The following HMGCLL1 variants were observed in gnomAD, a reference collection of about 807,000 sequenced individuals.
The protein encoded by HMGCLL1 is 3-hydroxymethyl-3-methylglutaryl-CoA lyase, cytoplasmic.
A neutral mutation model predicts 39.1 loss-of-function variants in HMGCLL1; 36 were observed. That is an observed-to-expected ratio of 0.92 (90% CI 0.71 to 1.22). HMGCLL1 has a LOEUF of 1.22. HMGCLL1 is among the 50% of genes most tolerant of loss of function. The pLI is 0.00. For synonymous variants in HMGCLL1, 149 were observed against 144.0 expected (o/e 1.03, Z -0.25); for missense variants, 451 against 416.5 (o/e 1.08, Z -0.72).
chr6:55,466,424 G>C (rs1395222928), intron 7 of HMGCLL1, among the ~76,000 whole-genome samples: 1 of 152,104 alleles, frequency 6.6e-6, no homozygotes, highest in Non-Finnish European at 1.5e-5. Flanking sequence ...TCTGCTTTGA[G>C]AATCTGCAAT....
chr6:55,452,057 T>C (rs556144775), intron 7 of HMGCLL1, among the ~76,000 whole-genome samples: 1 of 152,316 alleles, frequency 6.6e-6, no homozygotes, highest in African/African-American at 2.4e-5. Flanking sequence ...GGCACAATAC[T>C]GTATGTAATA....
At chr6:55,437,158 T>G (rs538678078) in intron 8 of HMGCLL1, among the ~76,000 whole-genome samples, 1 of 151,832 alleles carries the variant, frequency 6.6e-6, no homozygotes, top group East Asian at 1.9e-4. Flanking sequence ...TTCTCTACCA[T>G]TTTATTTAAC....
intron 7 of HMGCLL1, among the ~76,000 whole-genome samples, chr6:55,479,311 C>A (rs1427603650): frequency 2.0e-5 from 3 of 151,552 alleles, no homozygotes; most frequent in Admixed American, 1.3e-4. Flanking sequence ...AACCACAACA[C>A]TTTAGACACA....
intron 1 of HMGCLL1, among the ~76,000 whole-genome samples, chr6:55,568,170 G>T (rs1771304864): frequency 6.6e-6 from 1 of 152,052 alleles, no homozygotes; most frequent in African/African-American, 2.4e-5. Context: ...GTAAAAATTG[G>T]CTTATAAATA....
At chr6:55,477,169 AAT>A (rs1239890750) in intron 7 of HMGCLL1, among the ~76,000 whole-genome samples, 2 of 46,190 alleles carry the variant, frequency 4.3e-5, no homozygotes, top group African/African-American at 1.0e-4. Context: ...ATTATAATAT[AAT>A]ATATATTATA....
intron 1 of HMGCLL1, among the ~76,000 whole-genome samples, chr6:55,546,894 CTA>C (rs1390250029): frequency 6.6e-6 from 1 of 152,012 alleles, no homozygotes; most frequent in African/African-American, 2.4e-5. Flanking sequence ...TTTCAAAAGG[CTA>C]TGTTTTATGG....
At position 55,553,619 on chromosome 6, in the gene HMGCLL1, G is replaced by A. The variant is rs568916126; in HGVS notation, c.109-11479C>T. On this transcript the variant is annotated intron_variant, in intron 1 of 8. Transcript: ENST00000274901. The stretch of plus-strand genomic sequence containing the variant: ...CATTTAGCCCATAAGTCTGTTTTAA[G>A]GATTAAATGAGAATGTGTATATAAA... 2.2e-4 allele frequency among the ~76,000 whole-genome samples: 34 copies of A among 152,148 alleles called. 1 individual carries two copies. In the South Asian group the frequency reaches 6.9e-3, roughly 31 times the overall value.
intron 7 of HMGCLL1, among the ~76,000 whole-genome samples, chr6:55,441,050 T>C (rs931655991): frequency 4.0e-5 from 6 of 151,574 alleles, no homozygotes; most frequent in Admixed American, 6.6e-5. Flanking sequence ...TTTAGGAACA[T>C]TGCAGTAGGT....
In HMGCLL1 at chr6:55,534,606, G is replaced by A. The variant is rs377405498; in HGVS notation, c.297+7123C>T. On this transcript the variant is annotated intron_variant, in intron 3 of 8. Coordinates refer to ENST00000274901, the MANE Select transcript of HMGCLL1 (RefSeq NM_001042406.2). ...TTGAGAACACAGGAAGAGAGAGGTG[G>A]ACAGCAAGCCTGCAGCTGCCCAAGC... 1.9e-3 allele frequency among the ~76,000 whole-genome samples: 284 copies of A among 152,222 alleles called. 2 individuals are homozygous for A. The highest frequency in any genetic ancestry group is 3.5e-3 in the East Asian group (18 of 5,168).
chr6:55,660,799 C>T, the HMGCLL1 span, among the ~76,000 whole-genome samples: 1 of 151,776 alleles, frequency 6.6e-6, no homozygotes, highest in Admixed American at 6.6e-5. Context: ...ATTGCCACAT[C>T]GCTTTCCACA....
chr6:55,596,101 G>A, the HMGCLL1 span, among the ~76,000 whole-genome samples: 6 of 152,176 alleles, frequency 3.9e-5, no homozygotes, highest in African/African-American at 1.4e-4. Context: ...AAGAGGGGTG[G>A]ATCACTTGAG....
intron 1 of HMGCLL1, among the ~76,000 whole-genome samples, chr6:55,570,340 C>G (rs1194200358): frequency 6.6e-6 from 1 of 152,098 alleles, no homozygotes; most frequent in Non-Finnish European, 1.5e-5. Flanking sequence ...TCTCAATTAC[C>G]CTTGAGAAGA....
chr6:55,459,901 A>C (rs1055381786), intron 7 of HMGCLL1, among the ~76,000 whole-genome samples: 29 of 152,038 alleles, frequency 1.9e-4, no homozygotes, highest in African/African-American at 6.8e-4. Flanking sequence ...GTGTGTGTAT[A>C]TGTTTGTATT....
At chr6:55,567,721 C>T (rs1032776126) in intron 1 of HMGCLL1, among the ~76,000 whole-genome samples, 1 of 152,170 alleles carries the variant, frequency 6.6e-6, no homozygotes, top group African/African-American at 2.4e-5. Context: ...TGGTCTGGGT[C>T]ATGCCCTTGA....
chr6:55,598,128 A>AAAT, the HMGCLL1 span, among the ~76,000 whole-genome samples: 1 of 152,110 alleles, frequency 6.6e-6, no homozygotes, highest in East Asian at 1.9e-4. Flanking sequence ...ATACACGGTC[A>AAAT]AATAATAATA....
intron 7 of HMGCLL1, among the ~76,000 whole-genome samples, chr6:55,446,839 T>C (rs1763865383): frequency 6.6e-6 from 1 of 152,008 alleles, no homozygotes; most frequent in Admixed American, 6.6e-5. Context: ...ATTTTAGTTA[T>C]TGAGGTTACT....
At chr6:55,521,481 A>G (rs1003971951) in intron 3 of HMGCLL1, among the ~76,000 whole-genome samples, 3 of 152,016 alleles carry the variant, frequency 2.0e-5, no homozygotes, top group African/African-American at 7.2e-5. Context: ...CATTTTTCCA[A>G]CAGAATGTGC....
intron 7 of HMGCLL1, among the ~76,000 whole-genome samples, chr6:55,459,460 T>C (rs1333567552): frequency 1.1e-4 from 16 of 151,968 alleles, no homozygotes; most frequent in Non-Finnish European, 8.8e-5. Flanking sequence ...GAGTGAGGCA[T>C]GGGGAGCAGA....
At chr6:55,585,981 A>T in the HMGCLL1 span, among the ~76,000 whole-genome samples, 1 of 152,288 alleles carries the variant, frequency 6.6e-6, no homozygotes, top group South Asian at 2.1e-4. Flanking sequence ...AAGCTGTAGG[A>T]TCTATATACA....
Sources: allele counts gnomAD v4.1 joint callset (sites outside exome capture counted in the v4.1 genomes callset), GRCh38; gene constraint gnomAD v4.1.1; transcripts MANE v1.5; gene names NCBI Gene and HGNC (gene_info 2026-07-23, HGNC 2026-07-21).